EFR3A: variants seen among roughly 807,000 people sequenced by gnomAD.
EFR3A encodes protein EFR3 homolog A.
EFR3A carries 76 observed loss-of-function variants against 104.4 expected under a neutral mutation model. The ratio of observed to expected loss-of-function variants is 0.73; its 90% CI spans 0.60 to 0.88. The LOEUF is 0.88. Among genes scored for constraint, EFR3A ranks in the 40% least tolerant of loss-of-function variants. EFR3A has a pLI of 0.00. For synonymous variants in EFR3A, 330 were observed against 330.0 expected, an observed-to-expected ratio of 1.00 and a Z score of 0.00; for missense variants, 985 against 1,012.5, an observed-to-expected ratio of 0.97 and a Z score of 0.37.
Position 132,011,189 on chromosome 8 carries a change from T to C in EFR3A, c.*294T>C. 1 of 1,046,242 alleles carries C rather than the reference T, an allele frequency of 9.6e-7. No individual in the cohort carries two copies. The allele number at this position is 1,046,242 out of a possible 1,614,324, so 64.8% of individuals were successfully genotyped here. A position where few individuals can be genotyped will look rare whatever the true frequency, so the allele number is the denominator to read the frequency against. On this transcript the variant is annotated 3_prime_UTR_variant, in exon 23 of 23. Coordinates refer to ENST00000254624, the MANE Select transcript of EFR3A (RefSeq NM_015137.6). ...CACTGTTAAGTAGTATGTTTTAAAC[T>C]TTTCACAAATGTAATGTTTTTTAAA...
intron 18 of EFR3A, among the ~76,000 whole-genome samples, chr8:131,991,224 G>A (rs916610513): frequency 5.3e-5 from 8 of 152,060 alleles, no homozygotes; most frequent in Admixed American, 2.6e-4. Context: ...TCACTATCAC[G>A]AGACTAATGT....
chr8:131,933,619 T>C (rs1021509081), intron 1 of EFR3A, among the ~76,000 whole-genome samples: 1 of 152,148 alleles, frequency 6.6e-6, no homozygotes, highest in Non-Finnish European at 1.5e-5. Flanking sequence ...CTGAGTAATA[T>C]TTAATTTTTT....
At chr8:132,010,679 A>T (rs1822298126) in intron 22 of EFR3A, 111 bp from the exon 23 acceptor site, 1 of 1,286,814 alleles carries the variant, frequency 7.8e-7, no homozygotes, top group East Asian at 2.6e-5. Context: ...GGCATTGATC[A>T]CTGCAATTAA....
chr8:132,010,423 T>TC (rs2130826315), intron 22 of EFR3A, among the ~76,000 whole-genome samples: 1 of 98,566 alleles, frequency 1.0e-5, no homozygotes, highest in African/African-American at 3.9e-5. Flanking sequence ...TATATATATA[T>TC]ATATATATAT....
In EFR3A at chr8:131,904,389, T is replaced by TA; in HGVS notation, c.10+68dup. The TA allele has an allele frequency of 2.4e-6, 3 of 1,229,648 alleles. No individual in the cohort carries two copies. The South Asian group carries it at 1.2e-4, about 47-fold the overall frequency. 76.2% of individuals were successfully genotyped at this position (1,229,648 alleles called of 1,614,324 possible). On this transcript the variant is annotated intron_variant, in intron 1 of 22. Coordinates refer to ENST00000254624, the MANE Select transcript of EFR3A (RefSeq NM_015137.6). The stretch of plus-strand genomic sequence containing the variant: ...GCCTGCGCGACGCGCTTGGGCCGGG[T>TA]ACTCCTCCCGGGCGGCTGGGGAGGC...
At chr8:131,966,236 CAA>C (rs574314909) in intron 8 of EFR3A, among the ~76,000 whole-genome samples, 112 of 151,342 alleles carry the variant, frequency 7.4e-4, no homozygotes, top group Middle Eastern at 3.4e-3. Context: ...TAAAAAGCAA[CAA>C]AAAAAAGAGT....
Position 131,942,545 on chromosome 8 carries a change from C to T in EFR3A, c.87+1970C>T, listed in dbSNP as rs558986540. ...AGTAGTACCGATCTCATAATGTTCT[C>T]ATGAGGACTAAATGAGTTAATGCAG... On this transcript the variant is annotated intron_variant, in intron 2 of 22. Coordinates refer to ENST00000254624, the MANE Select transcript of EFR3A (RefSeq NM_015137.6). 8.5e-5 allele frequency among the ~76,000 whole-genome samples: 13 copies of T among 152,206 alleles called. No homozygotes were observed. The South Asian group carries it at 2.7e-3, about 32-fold the overall frequency.
chr8:131,925,468 T>C (rs1817250738), intron 1 of EFR3A, among the ~76,000 whole-genome samples: 1 of 152,080 alleles, frequency 6.6e-6, no homozygotes, highest in South Asian at 2.1e-4. Context: ...CCATTTCCAA[T>C]CAATAATATG....
intron 17 of EFR3A, 23 bp from the exon 18 acceptor site, chr8:131,987,552 T>C: frequency 6.3e-7 from 1 of 1,576,100 alleles, no homozygotes; most frequent in Non-Finnish European, 8.6e-7. Flanking sequence ...ACTGAATGAT[T>C]GTTGTTTTGA....
intron 14 of EFR3A, among the ~76,000 whole-genome samples, chr8:131,979,710 C>T (rs1820511645): frequency 6.6e-6 from 1 of 152,070 alleles, no homozygotes; most frequent in South Asian, 2.1e-4. Context: ...CCACTAAAAA[C>T]ACACGTACTG....
intron 22 of EFR3A, among the ~76,000 whole-genome samples, chr8:132,010,148 C>T (rs1286697580): frequency 6.6e-6 from 1 of 151,644 alleles, no homozygotes; most frequent in African/African-American, 2.4e-5. Context: ...CTGACTATAT[C>T]TAATATTTGT....
chr8:132,008,125 C>T (rs1457172260), intron 22 of EFR3A, among the ~76,000 whole-genome samples: 1 of 151,916 alleles, frequency 6.6e-6, no homozygotes, highest in Non-Finnish European at 1.5e-5. Flanking sequence ...CATTAAAAGA[C>T]TCCAGTAAGA....
chr8:132,005,330 G>A (rs1821978278), intron 22 of EFR3A, among the ~76,000 whole-genome samples: 1 of 151,942 alleles, frequency 6.6e-6, no homozygotes, highest in Non-Finnish European at 1.5e-5. Flanking sequence ...ACAGTGGAAA[G>A]AGTTTGTATC....
At chr8:131,905,712 A>G (rs1816225373) in intron 1 of EFR3A, among the ~76,000 whole-genome samples, 2 of 152,246 alleles carry the variant, frequency 1.3e-5, no homozygotes, top group Non-Finnish European at 1.5e-5. Context: ...TAGTACTTCT[A>G]AATTCATGTT....
At chr8:131,906,302 C>T (rs1816263654) in intron 1 of EFR3A, among the ~76,000 whole-genome samples, 2 of 152,176 alleles carry the variant, frequency 1.3e-5, no homozygotes, top group African/African-American at 4.8e-5. Flanking sequence ...GGAGGAAGTT[C>T]ACAGCTCTTA....
At chr8:132,001,963 T>G (rs1415101124) in intron 20 of EFR3A, among the ~76,000 whole-genome samples, 156 bp downstream of exon 20, 1 of 152,184 alleles carries the variant, frequency 6.6e-6, no homozygotes, top group Non-Finnish European at 1.5e-5. Flanking sequence ...AGCTACATGT[T>G]TTAGGCTTCA....
intron 18 of EFR3A, among the ~76,000 whole-genome samples, chr8:131,989,922 T>TA (rs1235543926): frequency 1.3e-5 from 2 of 152,240 alleles, no homozygotes; most frequent in Non-Finnish European, 2.9e-5. Context: ...ACTTATCTCT[T>TA]ATCAACCTAG....
At chr8:131,982,329 A>G (rs186354126) in intron 14 of EFR3A, among the ~76,000 whole-genome samples, 1 of 152,214 alleles carries the variant, frequency 6.6e-6, no homozygotes, top group African/African-American at 2.4e-5. Flanking sequence ...GGTAAAATTC[A>G]TCTGCGTGTG....
rs1822425740 is a variant in EFR3A at position 132,012,976 on chromosome 8, A to G, written c.*2081A>G. Reference sequence around the variant, plus strand: ...TTTTTAAATTACAGTAGGCTTCTATATATCCTGGATTTCTGAACTGGTCTT... The same window carrying G: ...TTTTTAAATTACAGTAGGCTTCTATGTATCCTGGATTTCTGAACTGGTCTT... On this transcript the variant is annotated 3_prime_UTR_variant, in exon 23 of 23. Coordinates refer to ENST00000254624, the MANE Select transcript of EFR3A (RefSeq NM_015137.6). 6.6e-6 allele frequency: 1 copy of G among 152,146 alleles called. No individual in the cohort carries two copies. Among genetic ancestry groups the G allele is most frequent in the Non-Finnish European group, 1.5e-5 (1 of 68,034 alleles). The allele number at this position is 152,146 out of a possible 1,614,324, so 9.4% of individuals were successfully genotyped here.
Sources: allele counts gnomAD v4.1 joint callset (sites outside exome capture counted in the v4.1 genomes callset), GRCh38; gene constraint gnomAD v4.1.1; transcripts MANE v1.5; gene names NCBI Gene and HGNC (gene_info 2026-07-23, HGNC 2026-07-21).